RYR2: variants seen among roughly 807,000 people sequenced by gnomAD.
RYR2 encodes ryanodine receptor 2, also known as cardiac muscle ryanodine receptor-calcium release channel.
A neutral mutation model predicts 601.1 loss-of-function variants in RYR2; 227 were observed. That is an observed-to-expected ratio of 0.38 (90% CI 0.34 to 0.42). The LOEUF (loss-of-function observed/expected upper bound fraction) is 0.42, where lower values mean the gene tolerates loss of function less well. Among genes scored for constraint, RYR2 ranks in the 10% least tolerant of loss-of-function variants. The pLI is 1.00. For missense variants in RYR2, 4,646 were observed against 6,156.5 expected, an observed-to-expected ratio of 0.75 and a Z score of 8.21; for synonymous variants, 2,223 against 2,175.1, an observed-to-expected ratio of 1.02 and a Z score of -0.61.
intron 25 of RYR2, among the ~76,000 whole-genome samples, chr1:237,532,158 C>T (rs1036965146): frequency 4.6e-5 from 7 of 151,922 alleles, no homozygotes; most frequent in Admixed American, 2.0e-4. Context: ...GTGCTCAAAA[C>T]AACATAAATT....
At chr1:237,643,193 G>T in intron 47 of RYR2, 134 bp from the exon 48 acceptor site, 1 of 1,045,786 alleles carries the variant, frequency 9.6e-7, no homozygotes, top group East Asian at 2.5e-5. Flanking sequence ...CTATTTCTGA[G>T]AGAGGCATAA....
chr1:237,783,289 A>C (rs1695275824), intron 89 of RYR2, among the ~76,000 whole-genome samples: 1 of 152,138 alleles, frequency 6.6e-6, no homozygotes, highest in South Asian at 2.1e-4. Flanking sequence ...ATTAAATCAG[A>C]TATTGTCTAT....
intron 54 of RYR2, among the ~76,000 whole-genome samples, chr1:237,659,478 A>C (rs1404453460): frequency 6.6e-6 from 1 of 152,182 alleles, no homozygotes. Flanking sequence ...TGATGAAAGA[A>C]TGGGTAAAAC....
At chr1:237,657,297 A>AT (rs1558155656) in intron 53 of RYR2, among the ~76,000 whole-genome samples, 1 of 152,148 alleles carries the variant, frequency 6.6e-6, no homozygotes, top group East Asian at 1.9e-4. Context: ...TCTCAAAGTT[A>AT]ATACTTTAAT....
At chr1:237,497,495 G>A (rs1397871672) in intron 20 of RYR2, among the ~76,000 whole-genome samples, 1 of 152,136 alleles carries the variant, frequency 6.6e-6, no homozygotes, top group Non-Finnish European at 1.5e-5. Flanking sequence ...AATTCATCTG[G>A]ATTCTGCAGA....
chr1:237,444,377 C>A lies in RYR2; in HGVS notation c.1171-1024C>A, dbSNP rs535862908. Among the ~76,000 whole-genome samples the A allele has an allele frequency of 4.6e-5, 7 of 152,050 alleles. No individual in the cohort carries two copies. In the South Asian group the frequency reaches 1.5e-3, roughly 32 times the overall value. ...GGCACTTAAGGCTATAATATTTTGC[C>A]TTTGAATATAGATATATCTGTGTCT... is the stretch of plus-strand genomic sequence containing the variant. On this transcript the variant is annotated intron_variant, in intron 13 of 104. Coordinates refer to ENST00000366574, the MANE Select transcript of RYR2 (RefSeq NM_001035.3).
chr1:237,516,290 A>AT (rs35406659), intron 24 of RYR2, among the ~76,000 whole-genome samples: 46,632 of 150,154 alleles, frequency 0.31, 7,368 homozygotes, highest in Middle Eastern at 0.45. Context: ...TTTCTTTCGT[A>AT]TTTTTTTTTG....
At chr1:237,093,131 C>T (rs1001970234) in intron 1 of RYR2, among the ~76,000 whole-genome samples, 3 of 152,182 alleles carry the variant, frequency 2.0e-5, no homozygotes, top group Admixed American at 6.5e-5. Context: ...TACATTTTAT[C>T]TAATTTTAAT....
chr1:237,151,841 C>A (rs1457055487), intron 1 of RYR2, among the ~76,000 whole-genome samples: 2 of 152,024 alleles, frequency 1.3e-5, no homozygotes, highest in Non-Finnish European at 2.9e-5. Context: ...ATTTTCTTTT[C>A]TTTTTAAATT....
intron 53 of RYR2, among the ~76,000 whole-genome samples, chr1:237,657,247 C>G (rs1683335736): frequency 6.6e-6 from 1 of 152,096 alleles, no homozygotes; most frequent in Non-Finnish European, 1.5e-5. Flanking sequence ...TGGAAAACAA[C>G]AGCAAACCAT....
intron 10 of RYR2, among the ~76,000 whole-genome samples, chr1:237,401,159 A>G (rs1171218782): frequency 6.6e-6 from 1 of 152,192 alleles, no homozygotes. Flanking sequence ...TAGGGAGAAA[A>G]TTACATATAA....
intron 61 of RYR2, among the ~76,000 whole-genome samples, 196 bp from the exon 62 acceptor site, chr1:237,680,260 A>T (rs919742898): frequency 7.2e-5 from 11 of 152,144 alleles, no homozygotes; most frequent in African/African-American, 2.7e-4. Flanking sequence ...TGCTCTGTTC[A>T]CCATAATCAC....
rs530852291 is a variant in RYR2 at position 237,694,219 on chromosome 1, A to G, written c.9068-4746A>G. On this transcript the variant is annotated intron_variant, in intron 63 of 104. Transcript: ENST00000366574. Reference sequence around the variant, plus strand: ...TGAGGCAGGAGAATGGCGTGAACCCAGGAGGTGGAGTTTGCAGTGAGCCGA... The same window carrying G: ...TGAGGCAGGAGAATGGCGTGAACCCGGGAGGTGGAGTTTGCAGTGAGCCGA... Among the ~76,000 whole-genome samples, 15 of 150,624 alleles carry G rather than the reference A, an allele frequency of 1.0e-4. No individual in the cohort carries two copies. The East Asian group carries it at 2.4e-3, about 24-fold the overall frequency.
intron 1 of RYR2, among the ~76,000 whole-genome samples, chr1:237,220,784 T>C (rs1174445455): frequency 6.6e-6 from 1 of 152,170 alleles, no homozygotes; most frequent in Admixed American, 6.5e-5. Context: ...TAGAAAATAT[T>C]CTTGCTGTTT....
chr1:237,220,522 G>A (rs995898620), intron 1 of RYR2, among the ~76,000 whole-genome samples: 3 of 152,128 alleles, frequency 2.0e-5, no homozygotes, highest in African/African-American at 7.2e-5. Flanking sequence ...GGACTTCTCT[G>A]CTTCTGTGGT....
chr1:237,065,265 T>C (rs6671060), intron 1 of RYR2, among the ~76,000 whole-genome samples: 1 of 137,934 alleles, frequency 7.2e-6, no homozygotes, highest in Non-Finnish European at 1.5e-5. Context: ...TCTTGTGTGC[T>C]ATCCTTTTTT....
intron 73 of RYR2, among the ~76,000 whole-genome samples, chr1:237,722,502 C>T (rs1212471862): frequency 6.6e-6 from 1 of 150,590 alleles, no homozygotes; most frequent in Non-Finnish European, 1.5e-5. Flanking sequence ...GGCGCGATCT[C>T]GGCTCACTGC....
chr1:237,514,499 G>A (rs899550876), intron 24 of RYR2, among the ~76,000 whole-genome samples: 1 of 152,152 alleles, frequency 6.6e-6, no homozygotes, highest in African/African-American at 2.4e-5. Flanking sequence ...ATGGTTTTAT[G>A]ATGGACTGAT....
chr1:237,594,901 T>G (rs796898361), intron 33 of RYR2, among the ~76,000 whole-genome samples: 338 of 20,192 alleles, frequency 0.017, 2 homozygotes, highest in Middle Eastern at 0.045. Flanking sequence ...TTTTTTTTTT[T>G]TTTTTTTTTT....
Sources: allele counts gnomAD v4.1 joint callset (sites outside exome capture counted in the v4.1 genomes callset), GRCh38; gene constraint gnomAD v4.1.1; transcripts MANE v1.5; gene names NCBI Gene and HGNC (gene_info 2026-07-23, HGNC 2026-07-21).